RASAL2: variants seen among roughly 807,000 people sequenced by gnomAD.
The protein encoded by RASAL2 is ras GTPase-activating protein nGAP.
In RASAL2, 58 loss-of-function variants were observed where a neutral mutation model predicts 128.9. The ratio of observed to expected loss-of-function variants is 0.45; its 90% CI spans 0.36 to 0.56. The LOEUF is 0.56. RASAL2 is among the 20% of genes least tolerant of loss of function. The probability of loss-of-function intolerance (pLI) is 0.00; values close to 1 mark genes in which losing one functional copy is unlikely to be tolerated. For missense variants in RASAL2, 1,360 were observed against 1,601.6 expected (o/e 0.85, Z 2.57); for synonymous variants, 561 against 580.8 (o/e 0.97, Z 0.49).
intron 3 of RASAL2, among the ~76,000 whole-genome samples, chr1:178,300,568 A>C (rs1168644030): frequency 1.3e-5 from 2 of 152,196 alleles, no homozygotes; most frequent in African/African-American, 4.8e-5. Context: ...AGCTAAGTTA[A>C]TCTTGCATGT....
chr1:178,166,207 A>G (rs146776927), intron 1 of RASAL2, among the ~76,000 whole-genome samples: 136 of 152,304 alleles, frequency 8.9e-4, no homozygotes, highest in African/African-American at 2.7e-3. Flanking sequence ...CACTGTTGCA[A>G]AATGTGAAAA....
intron 1 of RASAL2, among the ~76,000 whole-genome samples, chr1:178,270,191 T>C (rs886959293): frequency 6.6e-6 from 1 of 152,178 alleles, no homozygotes; most frequent in Admixed American, 6.5e-5. Flanking sequence ...CTTACTGATA[T>C]GTTTTGGTGG....
At position 178,449,404 on chromosome 1, in the gene RASAL2, G is replaced by A. The variant is rs181837112; in HGVS notation, c.1628-2167G>A. On this transcript the variant is annotated intron_variant, in intron 9 of 17. Transcript: ENST00000367649. ...GTAGCAGTGGAGGCAGGTTTCTTTC[G>A]GCAGTAATATGTCCATCCTTGTTGA... Among the ~76,000 whole-genome samples the A allele has an allele frequency of 1.9e-4, 29 of 152,178 alleles. 1 individual carries two copies. The East Asian group carries it at 4.2e-3, about 22-fold the overall frequency.
At chr1:178,238,810 C>T (rs572459975) in intron 1 of RASAL2, among the ~76,000 whole-genome samples, 24 of 152,040 alleles carry the variant, frequency 1.6e-4, no homozygotes, top group Non-Finnish European at 3.1e-4. Context: ...GATTTGTCTG[C>T]ATTTCCAGGA....
At chr1:178,228,285 G>GT (rs1663865037) in intron 1 of RASAL2, among the ~76,000 whole-genome samples, 4 of 152,002 alleles carry the variant, frequency 2.6e-5, no homozygotes, top group African/African-American at 9.7e-5. Flanking sequence ...GAAGCTTATG[G>GT]TAAAAAAAAT....
Position 178,094,667 on chromosome 1 carries a change from C to T in RASAL2, c.175C>T (p.Gln59Ter), listed in dbSNP as rs1658604695. The T allele has an allele frequency of 1.9e-6, 3 of 1,613,998 alleles. No individual in the cohort carries two copies. The highest frequency in any genetic ancestry group is 2.5e-6 in the Non-Finnish European group (3 of 1,180,052). The change falls in exon 1 of 18, where the codon CAG (glutamine) becomes TAG (stop). Residue 59 changes from glutamine (Q) to a stop codon, truncating the protein, a stop_gained. Coordinates refer to ENST00000367649, the MANE Select transcript of RASAL2 (RefSeq NM_170692.4). LOFTEE classifies it high-confidence loss of function. ...TCGGATCCTTCTGGAGTCCGTGTGC[C>T]AGCAACAGAGCTGGGTCCGGGTGTA... is the stretch of plus-strand genomic sequence containing the variant. ...LDRILLESVC[Q>*]QQSWVRVYDV...
chr1:178,161,215 A>G (rs2101894676), intron 1 of RASAL2, among the ~76,000 whole-genome samples: 1 of 152,258 alleles, frequency 6.6e-6, no homozygotes, highest in Admixed American at 6.5e-5. Context: ...AACAATCACT[A>G]CCGTCTAGTT....
At chr1:178,363,067 A>G (rs1349822264) in intron 3 of RASAL2, among the ~76,000 whole-genome samples, 2 of 152,080 alleles carry the variant, frequency 1.3e-5, no homozygotes, top group Admixed American at 6.6e-5. Flanking sequence ...TCTATTTTTA[A>G]TTCCTTAAGA....
intron 1 of RASAL2, among the ~76,000 whole-genome samples, chr1:178,230,880 A>G (rs1366909584): frequency 6.6e-6 from 1 of 152,104 alleles, no homozygotes; most frequent in Non-Finnish European, 1.5e-5. Context: ...GGCTGCCCGC[A>G]TGCACAGGGG....
intron 4 of RASAL2, among the ~76,000 whole-genome samples, chr1:178,414,145 T>C (rs1300939313): frequency 6.6e-6 from 1 of 152,112 alleles, no homozygotes; most frequent in Non-Finnish European, 1.5e-5. Flanking sequence ...GTCAAAAATA[T>C]CCTAAATTGA....
intron 1 of RASAL2, among the ~76,000 whole-genome samples, chr1:178,209,563 A>G (rs1375436221): frequency 6.6e-6 from 1 of 151,846 alleles, no homozygotes; most frequent in Non-Finnish European, 1.5e-5. Context: ...CTTTATTCCC[A>G]TTGTTTTGAA....
At chr1:178,167,844 G>A (rs1434265600) in intron 1 of RASAL2, among the ~76,000 whole-genome samples, 2 of 151,828 alleles carry the variant, frequency 1.3e-5, no homozygotes, top group South Asian at 4.2e-4. Flanking sequence ...CATGTATGTG[G>A]ACCCGTGCGA....
At chr1:178,268,454 G>A (rs1403049133) in intron 1 of RASAL2, among the ~76,000 whole-genome samples, 5 of 151,848 alleles carry the variant, frequency 3.3e-5, no homozygotes, top group Non-Finnish European at 5.9e-5. Context: ...GCAACAGAGC[G>A]AGCCTCCATC....
At chr1:178,450,984 C>T (rs12354181) in intron 9 of RASAL2, among the ~76,000 whole-genome samples, 6,339 of 152,074 alleles carry the variant, frequency 0.042, 427 homozygotes, top group African/African-American at 0.14. Flanking sequence ...GAGCATAGGC[C>T]GTATGAACAC....
At chr1:178,184,332 A>G (rs1442499411) in intron 1 of RASAL2, among the ~76,000 whole-genome samples, 2 of 151,192 alleles carry the variant, frequency 1.3e-5, no homozygotes, top group East Asian at 1.9e-4. Flanking sequence ...TTCATGGAGT[A>G]TGCTTTTGGT....
chr1:178,115,012 ACATT>A (rs1265836447), intron 1 of RASAL2, among the ~76,000 whole-genome samples: 1 of 152,216 alleles, frequency 6.6e-6, no homozygotes, highest in Non-Finnish European at 1.5e-5. Context: ...TTCGTAGTAT[ACATT>A]ATAAATTTTT....
rs553045710 is a variant in RASAL2 at position 178,166,115 on chromosome 1, A to G, written c.202+71421A>G. Among the ~76,000 whole-genome samples the G allele has an allele frequency of 2.0e-5, 3 of 152,302 alleles. No homozygotes were observed. In the East Asian group the frequency reaches 5.8e-4, roughly 29 times the overall value. ...TGATTGTTTCCGGCTTCCTGAAAGT[A>G]AAACGAGACCTGTCCCTTGTGCTAT... On this transcript the variant is annotated intron_variant, in intron 1 of 17. Coordinates refer to ENST00000367649, the MANE Select transcript of RASAL2 (RefSeq NM_170692.4).
At position 178,153,008 on chromosome 1, in the gene RASAL2, G is replaced by A. The variant is rs1401181221; in HGVS notation, c.202+58314G>A. On this transcript the variant is annotated intron_variant, in intron 1 of 17. Transcript: ENST00000367649. ...TATTTATTTCCCCTATTGTCTTACA[G>A]TTTAATGTATTTGAATGTGATCCAG... 3.3e-5 allele frequency among the ~76,000 whole-genome samples: 5 copies of A among 152,156 alleles called. No individual in the cohort carries two copies. The East Asian group carries it at 9.6e-4, about 29-fold the overall frequency.
chr1:178,465,404 G>A (rs1251004189), intron 15 of RASAL2, among the ~76,000 whole-genome samples: 1 of 152,160 alleles, frequency 6.6e-6, no homozygotes, highest in Admixed American at 6.5e-5. Context: ...GATTCTAGTA[G>A]AACAAAGGAA....
Sources: gnomAD v4.1 joint callset for allele counts (sites outside exome capture counted in the v4.1 genomes callset) on GRCh38, gnomAD v4.1.1 for gene constraint, MANE v1.5 for transcripts, NCBI Gene and HGNC (gene_info 2026-07-23, HGNC 2026-07-21) for gene names.